Variants in STIL observed in about 807,000 individuals in gnomAD.
STIL encodes the protein SCL-interrupting locus protein.
In STIL, 55 loss-of-function variants were observed where a neutral mutation model predicts 110.1. The ratio of observed to expected loss-of-function variants is 0.50; its 90% CI spans 0.40 to 0.63. STIL has a LOEUF of 0.63. Among genes scored for constraint, STIL ranks in the 20% least tolerant of loss-of-function variants. The pLI, the probability that STIL is intolerant of heterozygous loss-of-function variation, is 0.00. For synonymous variants in STIL, 481 were observed against 530.0 expected, an observed-to-expected ratio of 0.91 and a Z score of 1.27; for missense variants, 1,358 against 1,530.0, an observed-to-expected ratio of 0.89 and a Z score of 1.87.
chr1:47,296,674 G>A (rs1645650227), intron 6 of STIL, among the ~76,000 whole-genome samples: 1 of 152,098 alleles, frequency 6.6e-6, no homozygotes, highest in South Asian at 2.1e-4. Flanking sequence ...GCCAGGCATT[G>A]TGGCACACGC....
rs1646129863 is a variant in STIL, at chr1:47,311,647, A to G, written c.-43-1285T>C. 2.0e-5 allele frequency among the ~76,000 whole-genome samples: 3 copies of G among 152,148 alleles called. No individual in the cohort carries two copies. The South Asian group carries it at 6.2e-4, about 32-fold the overall frequency. On this transcript the variant is annotated intron_variant, in intron 1 of 16. Coordinates refer to ENST00000371877, the MANE Select transcript of STIL (RefSeq NM_001048166.1). ...GTTCCATCTAAGTATTATTGAAGCTAAACACAGACCTCGTAGTCCTTTCTT... is the reference window on the plus strand; with the variant it reads ...GTTCCATCTAAGTATTATTGAAGCTGAACACAGACCTCGTAGTCCTTTCTT...
chr1:47,255,498 A>C (rs1644301976), intron 16 of STIL, among the ~76,000 whole-genome samples: 1 of 149,524 alleles, frequency 6.7e-6, no homozygotes, highest in South Asian at 2.1e-4. Flanking sequence ...CAGTTGAGCC[A>C]TGATTGTGCC....
chr1:47,255,355 C>A (rs1316801692), intron 16 of STIL, among the ~76,000 whole-genome samples: 1 of 151,892 alleles, frequency 6.6e-6, no homozygotes. Flanking sequence ...TAAAATTATT[C>A]CAACTCAGAT....
At chr1:47,282,798 A>T in intron 10 of STIL, 1 of 266,074 alleles carries the variant, frequency 3.8e-6, no homozygotes, top group Non-Finnish European at 7.4e-6. Context: ...AAAAATTTAT[A>T]ATCTAGTATT....
At chr1:47,300,417 T>G (rs1645769639) in intron 5 of STIL, among the ~76,000 whole-genome samples, 1 of 152,094 alleles carries the variant, frequency 6.6e-6, no homozygotes, top group Non-Finnish European at 1.5e-5. Flanking sequence ...TCAGTCTTAT[T>G]GGGGAGTCAC....
intron 2 of STIL, among the ~76,000 whole-genome samples, chr1:47,308,400 AAAAAAAG>A (rs1324641280): frequency 7.6e-6 from 1 of 131,116 alleles, no homozygotes; most frequent in Admixed American, 9.0e-5. Context: ...CAAAAAACAA[AAAAAAAG>A]AAAAAAGAAA....
rs527825291 is a variant in STIL at position 47,269,796 on chromosome 1, G to C, written c.2454C>G (p.Thr818=). The C allele has an allele frequency of 6.2e-7, 1 of 1,613,988 alleles. No individual in the cohort carries two copies. Among genetic ancestry groups the C allele is most frequent in the Non-Finnish European group, 8.5e-7 (1 of 1,180,016 alleles). ...EPDSQMKQDD[T]KISSEDMNFS... is the part of the protein sequence containing the mutation. ...AATTCATGTCCTCACTGGAAATTTT[G>C]GTATCATCTTGCTTCATTTGAGAGT... Residue 818 remains threonine (T), a synonymous_variant, in exon 14 of 17, where the codon ACC becomes ACG. Transcript: ENST00000371877.
intron 2 of STIL, 109 bp from the exon 3 acceptor site, chr1:47,305,105 T>C (rs1373967057): frequency 2.8e-5 from 22 of 790,296 alleles, no homozygotes; most frequent in Non-Finnish European, 4.3e-5. Context: ...CAGACTACTT[T>C]TGTAATTTTC....
chr1:47,298,706 A>C (rs1470499707), intron 6 of STIL, among the ~76,000 whole-genome samples: 1 of 151,774 alleles, frequency 6.6e-6, no homozygotes, highest in Non-Finnish European at 1.5e-5. Flanking sequence ...TTCCTCTTAC[A>C]TTTTCAAATA....
intron 12 of STIL, 110 bp downstream of exon 12, chr1:47,280,131 A>T: frequency 6.9e-7 from 1 of 1,446,920 alleles, no homozygotes; most frequent in Non-Finnish European, 9.5e-7. Flanking sequence ...GGTCCCTCCT[A>T]ATTCTGACAT....
intron 12 of STIL, among the ~76,000 whole-genome samples, chr1:47,273,751 T>A (rs938766310): frequency 1.8e-4 from 27 of 152,226 alleles, no homozygotes; most frequent in African/African-American, 6.5e-4. Context: ...AACACTATGA[T>A]TTTCTGCTTC....
intron 13 of STIL, among the ~76,000 whole-genome samples, chr1:47,270,670 C>CT (rs542462270): frequency 0.025 from 2,355 of 94,022 alleles, 131 homozygotes; most frequent in East Asian, 0.16. Flanking sequence ...GTTTCCCAAT[C>CT]TTTTTTTTTT....
intron 16 of STIL, among the ~76,000 whole-genome samples, chr1:47,255,550 CAAAAAA>C (rs60137249): frequency 4.9e-5 from 6 of 123,522 alleles, no homozygotes; most frequent in African/African-American, 1.6e-4. Context: ...CCCTGTCTCT[CAAAAAA>C]AAAAAAAAAA....
At chr1:47,272,753 T>C in intron 12 of STIL, among the ~76,000 whole-genome samples, 1 of 152,192 alleles carries the variant, frequency 6.6e-6, no homozygotes, top group East Asian at 1.9e-4. Flanking sequence ...TAGCTTAGTA[T>C]TCGTAAGTTG....
chr1:47,301,637 C>A lies in STIL; in HGVS notation c.377G>T (p.Cys126Phe). Residue 126 changes from cysteine (C) to phenylalanine (F), a missense_variant, in exon 5 of 17, where the codon TGC becomes TTC. Transcript: ENST00000371877. ...ASLPGDFLIP[C>F]KVHTQELCSR... ...ACAAAGTTCTTGAGTATGAACTTTG[C>A]ATGGAATCAAAAAGTCCCCAGGAAG... is the stretch of plus-strand genomic sequence containing the variant. 6.2e-7 allele frequency: 1 copy of A among 1,613,946 alleles called. No homozygotes were observed.
Position 47,280,865 on chromosome 1 carries a change from AG to A in STIL, c.1592del (p.Ser531PhefsTer23). On this transcript the variant is annotated frameshift_variant, in exon 12 of 17. Coordinates refer to ENST00000371877, the MANE Select transcript of STIL (RefSeq NM_001048166.1). LOFTEE classifies it high-confidence loss of function. ...SIKPSSHNGPSHDIFEKLQTV... is the reference protein window; with the variant it reads ...SIKPSSHNGPXHDIFEKLQTV... ...TTTGGAGCTTTTCAAATATATCATG[AG>A]ATGGCCCATTATGAGAAGATGGTTT... 1 of 1,614,232 alleles carries A rather than the reference AG, an allele frequency of 6.2e-7. No homozygotes were observed. The highest frequency in any genetic ancestry group is 8.5e-7 in the Non-Finnish European group (1 of 1,180,038).
intron 16 of STIL, among the ~76,000 whole-genome samples, chr1:47,258,229 C>G (rs1415655646): frequency 1.3e-5 from 2 of 152,152 alleles, no homozygotes; most frequent in African/African-American, 2.4e-5. Context: ...AAAATGCTAG[C>G]CTCACTCTTT....
Position 47,289,510 on chromosome 1 carries a change from G to A in STIL, c.948C>T (p.Cys316=), listed in dbSNP as rs1570206511. ...MTHKEPEFYE[C]FPCDGKIPDF... is the part of the protein sequence containing the mutation. The stretch of plus-strand genomic sequence containing the variant: ...CAGGTATCTTGCCATCACAAGGGAA[G>A]CATTCATAAAACTCAGGTTCCTTAT... Residue 316 remains cysteine, a synonymous_variant, in exon 9 of 17, where the codon TGC becomes TGT. Transcript: ENST00000371877. The A allele has an allele frequency of 1.9e-6, 3 of 1,613,394 alleles. No homozygotes were observed. The East Asian group carries it at 6.7e-5, about 36-fold the overall frequency.
At position 47,269,113 on chromosome 1, in the gene STIL, C is replaced by T. The variant is rs1000894198; in HGVS notation, c.2615+522G>A. On this transcript the variant is annotated intron_variant, in intron 14 of 16. Coordinates refer to ENST00000371877, the MANE Select transcript of STIL (RefSeq NM_001048166.1). ...CAAAAAAAAAAAAAAAAAAATTTCTCCATCTGTATCTGGAACCTAATATTA... is the reference window on the plus strand; with the variant it reads ...CAAAAAAAAAAAAAAAAAAATTTCTTCATCTGTATCTGGAACCTAATATTA... Among the ~76,000 whole-genome samples, 7 of 151,670 alleles carry T rather than the reference C, an allele frequency of 4.6e-5. No homozygotes were observed. In the South Asian group the frequency reaches 1.5e-3, roughly 32 times the overall value.
Sources: gnomAD v4.1 joint callset for allele counts (sites outside exome capture counted in the v4.1 genomes callset) on GRCh38, gnomAD v4.1.1 for gene constraint, MANE v1.5 for transcripts, NCBI Gene and HGNC (gene_info 2026-07-23, HGNC 2026-07-21) for gene names.